NGEF: variants seen among roughly 807,000 people sequenced by gnomAD.
NGEF encodes the protein neuronal guanine nucleotide exchange factor, also known as ephexin-1.
A neutral mutation model predicts 80.9 loss-of-function variants in NGEF; 31 were observed. That is an observed-to-expected ratio of 0.38 (90% CI 0.29 to 0.52). The LOEUF is 0.52. Among genes scored for constraint, NGEF ranks in the 20% least tolerant of loss-of-function variants. NGEF has a pLI of 0.84. For missense variants in NGEF, 709 were observed against 926.2 expected, an observed-to-expected ratio of 0.77 and a Z score of 3.04; for synonymous variants, 371 against 370.2, an observed-to-expected ratio of 1.00 and a Z score of -0.03.
In NGEF at chr2:233,000,291, T is replaced by A. The variant is rs574355885; in HGVS notation, c.-75+12777A>T. On this transcript the variant is annotated intron_variant, in intron 1 of 14. Transcript: ENST00000264051. ...TTTTGTATTTTTTGTAGAGATGGGG[T>A]TTTGCCATGTTGCCAGGCTGATCTT... Among the ~76,000 whole-genome samples the A allele has an allele frequency of 8.0e-4, 122 of 152,112 alleles. 1 individual carries two copies. In the South Asian group the frequency reaches 8.9e-3, roughly 11 times the overall value.
At chr2:232,925,461 A>C (rs747462) in intron 4 of NGEF, among the ~76,000 whole-genome samples, 73,158 of 151,994 alleles carry the variant, frequency 0.48, 18,130 homozygotes, top group African/African-American at 0.59. Flanking sequence ...GGAAAGACTC[A>C]GAACATCAGA....
At chr2:232,999,799 G>A (rs150215460) in intron 1 of NGEF, among the ~76,000 whole-genome samples, 59 of 152,348 alleles carry the variant, frequency 3.9e-4, no homozygotes, top group Non-Finnish European at 7.1e-4. Flanking sequence ...GGATGTTTAT[G>A]TGCAGGGGCT....
rs1695048094 is a variant in NGEF at position 233,004,527 on chromosome 2, G to A, written c.-75+8541C>T. 4.6e-5 allele frequency among the ~76,000 whole-genome samples: 7 copies of A among 152,210 alleles called. No homozygotes were observed. The South Asian group carries it at 1.4e-3, about 31-fold the overall frequency. On this transcript the variant is annotated intron_variant, in intron 1 of 14. Coordinates refer to ENST00000264051, the MANE Select transcript of NGEF (RefSeq NM_019850.3). ...CCTCTTCCTGTCTAGATTCTAGTGTGGAGTGCTTGTCAAGGCCATCAGGGC... is the reference window on the plus strand; with the variant it reads ...CCTCTTCCTGTCTAGATTCTAGTGTAGAGTGCTTGTCAAGGCCATCAGGGC...
intron 9 of NGEF, among the ~76,000 whole-genome samples, chr2:232,887,225 C>G (rs528307497): frequency 1.3e-5 from 2 of 152,236 alleles, no homozygotes; most frequent in Non-Finnish European, 2.9e-5. Flanking sequence ...GCACAGCTGT[C>G]AAAAGCTGGC....
intron 1 of NGEF, among the ~76,000 whole-genome samples, chr2:232,987,449 TAAAAG>T (rs1694556175): frequency 6.6e-6 from 1 of 152,024 alleles, no homozygotes; most frequent in South Asian, 2.1e-4. Flanking sequence ...CACTCTCAGA[TAAAAG>T]AAGAGGAAGA....
chr2:232,901,910 G>A (rs527806589), intron 5 of NGEF, among the ~76,000 whole-genome samples: 64 of 152,264 alleles, frequency 4.2e-4, no homozygotes, highest in Non-Finnish European at 8.4e-4. Context: ...CCAGTATGCT[G>A]CTGGGAGCTA....
chr2:232,953,111 G>A (rs558853006), intron 3 of NGEF, among the ~76,000 whole-genome samples: 1 of 151,556 alleles, frequency 6.6e-6, no homozygotes, highest in African/African-American at 2.4e-5. Context: ...AGACCAGCCT[G>A]ACCAAGATGG....
At chr2:232,980,900 G>A (rs1574651426) in intron 1 of NGEF, among the ~76,000 whole-genome samples, 1 of 152,092 alleles carries the variant, frequency 6.6e-6, no homozygotes, top group Non-Finnish European at 1.5e-5. Context: ...GAAGCTGCCT[G>A]GGCGAGAGCA....
At chr2:232,958,032 C>G (rs1445778390) in intron 3 of NGEF, among the ~76,000 whole-genome samples, 1 of 152,250 alleles carries the variant, frequency 6.6e-6, no homozygotes, top group Non-Finnish European at 1.5e-5. Flanking sequence ...TCAAACCTCT[C>G]TTCAGTCACC....
At chr2:232,977,868 T>A (rs2106325888) in intron 1 of NGEF, among the ~76,000 whole-genome samples, 1 of 152,214 alleles carries the variant, frequency 6.6e-6, no homozygotes, top group South Asian at 2.1e-4. Flanking sequence ...TGGGAGGAAT[T>A]GCAGGTCAGT....
chr2:233,007,224 A>G (rs1357697109), intron 1 of NGEF, among the ~76,000 whole-genome samples: 1 of 152,194 alleles, frequency 6.6e-6, no homozygotes, highest in Non-Finnish European at 1.5e-5. Context: ...AGCCTGAGCA[A>G]CAGAGCAAGA....
chr2:232,885,203 C>G, intron 10 of NGEF, 77 bp downstream of exon 10: 1 of 1,339,740 alleles, frequency 7.5e-7, no homozygotes, highest in Non-Finnish European at 1.1e-6. Flanking sequence ...GCCAGCCAGG[C>G]GCGGTGATCT....
At chr2:232,961,381 G>A (rs1693948414) in intron 3 of NGEF, among the ~76,000 whole-genome samples, 2 of 152,168 alleles carry the variant, frequency 1.3e-5, no homozygotes, top group Non-Finnish European at 2.9e-5. Context: ...CCCAAGCACA[G>A]CTCCCACTGA....
chr2:232,891,086 G>A, intron 8 of NGEF: 1 of 552,038 alleles, frequency 1.8e-6, no homozygotes, highest in Non-Finnish European at 3.6e-6. Context: ...ACTGGCAGTG[G>A]CCAGCCAGCC....
At chr2:232,998,447 A>C (rs923265281) in intron 1 of NGEF, among the ~76,000 whole-genome samples, 12 of 152,194 alleles carry the variant, frequency 7.9e-5, no homozygotes, top group Non-Finnish European at 1.6e-4. Flanking sequence ...CCCCAGTCAA[A>C]GAGCAAAGAC....
At chr2:232,943,107 CTTCTCTG>C (rs1693473500) in intron 3 of NGEF, among the ~76,000 whole-genome samples, 2 of 152,116 alleles carry the variant, frequency 1.3e-5, no homozygotes, top group East Asian at 3.9e-4. Flanking sequence ...TCTAGGCCTG[CTTCTCTG>C]TTTAGCTTTG....
intron 1 of NGEF, among the ~76,000 whole-genome samples, chr2:232,986,170 C>T (rs1221503148): frequency 6.6e-6 from 1 of 152,162 alleles, no homozygotes; most frequent in Non-Finnish European, 1.5e-5. Context: ...CCATCTCACA[C>T]CTGTCAGCAT....
At chr2:232,914,379 C>T (rs559857670) in intron 5 of NGEF, among the ~76,000 whole-genome samples, 7 of 152,214 alleles carry the variant, frequency 4.6e-5, no homozygotes, top group Admixed American at 1.3e-4. Context: ...GGTAGCCACA[C>T]GGAGCTAGTG....
In NGEF at chr2:232,974,621, AC is replaced by A. The variant is rs138954917; in HGVS notation, c.268+1del. On this transcript the variant is annotated splice_donor_variant, in intron 2 of 14. Transcript: ENST00000264051. LOFTEE classifies it high-confidence loss of function. ...GCCGTGACAGCTGTCCCTGATACTG[AC>A]CTGCCAGGCAGCTGGCGTTCCGTTC... 6.2e-7 allele frequency: 1 copy of A among 1,613,722 alleles called. No individual in the cohort carries two copies. Among genetic ancestry groups the A allele is most frequent in the East Asian group, 2.2e-5 (1 of 44,884 alleles).
Sources: allele counts gnomAD v4.1 joint callset (sites outside exome capture counted in the v4.1 genomes callset), GRCh38; gene constraint gnomAD v4.1.1; transcripts MANE v1.5; gene names NCBI Gene and HGNC (gene_info 2026-07-23, HGNC 2026-07-21).